The following ACER3 variants were observed in gnomAD, a reference collection of about 807,000 sequenced individuals.
ACER3 encodes the protein alkCDase 3.
ACER3 carries 16 observed loss-of-function variants against 48.9 expected under a neutral mutation model. That is an observed-to-expected ratio of 0.33 (90% CI 0.22 to 0.50). The LOEUF (loss-of-function observed/expected upper bound fraction) is 0.50. ACER3 is among the 20% of genes least tolerant of loss of function. ACER3 has a pLI of 0.98. For synonymous variants in ACER3, 109 were observed against 107.8 expected (o/e 1.01, Z -0.07); for missense variants, 227 against 326.0 (o/e 0.70, Z 2.34).
intron 1 of ACER3, among the ~76,000 whole-genome samples, chr11:76,915,193 A>C (rs200200667): frequency 7.0e-6 from 1 of 142,468 alleles, no homozygotes; most frequent in Non-Finnish European, 1.6e-5. Flanking sequence ...ATAATTTAAA[A>C]AAAGGAAAAA....
At chr11:76,948,211 C>CTATGTGTGTGTG (rs1947526350) in intron 2 of ACER3, among the ~76,000 whole-genome samples, 1 of 135,664 alleles carries the variant, frequency 7.4e-6, no homozygotes, top group African/African-American at 2.7e-5. Context: ...CTGGCTCACT[C>CTATGTGTGTGTG]TGTGTGTGTG....
In ACER3 at chr11:76,994,505, A is replaced by C. The variant is rs186686339; in HGVS notation, c.438+3931A>C. Among the ~76,000 whole-genome samples, 216 of 152,356 alleles carry C rather than the reference A, an allele frequency of 1.4e-3. 2 individuals are homozygous for C. The highest frequency in any genetic ancestry group is 4.9e-3 in the African/African-American group (205 of 41,594). On this transcript the variant is annotated intron_variant, in intron 6 of 10. Transcript: ENST00000532485. ...GGTCTCAAACTTCTGACCTCAAGTG[A>C]TCCGCCTGCCTTGGCATCCCAAAGT...
At chr11:77,016,932 G>A (rs1039842199) in intron 9 of ACER3, among the ~76,000 whole-genome samples, 153 bp downstream of exon 9, 3 of 151,788 alleles carry the variant, frequency 2.0e-5, no homozygotes, top group Non-Finnish European at 4.4e-5. Context: ...CTGGGTCAAA[G>A]AAGAAGTCAA....
At chr11:76,996,980 G>A (rs1318630305) in intron 6 of ACER3, among the ~76,000 whole-genome samples, 1 of 147,730 alleles carries the variant, frequency 6.8e-6, no homozygotes, top group African/African-American at 2.5e-5. Context: ...CCTGCCTTGG[G>A]CTCCCAAAGT....
Position 76,929,318 on chromosome 11 carries a change from TG to T in ACER3, c.214+2652del, listed in dbSNP as rs1946927428. On this transcript the variant is annotated intron_variant, in intron 2 of 10. Coordinates refer to ENST00000532485, the MANE Select transcript of ACER3 (RefSeq NM_018367.7). ...ATTTTTGCACATTGATTTTGTATCC[TG>T]AGACTTTGCTGAAGTTGCTTATCAG... 2.0e-5 allele frequency among the ~76,000 whole-genome samples: 3 copies of T among 152,236 alleles called. No individual in the cohort carries two copies. The South Asian group carries it at 6.2e-4, about 32-fold the overall frequency.
chr11:76,983,440 C>T (rs970079353), intron 4 of ACER3, among the ~76,000 whole-genome samples: 3 of 152,042 alleles, frequency 2.0e-5, no homozygotes, highest in African/African-American at 4.8e-5. Flanking sequence ...CTTAGCCTCT[C>T]AAGTAGCTGC....
Position 76,950,411 on chromosome 11 carries a change from A to ATATAT in ACER3, c.215-8568_215-8567insTATAT, listed in dbSNP as rs1277575730. 3.5e-3 allele frequency among the ~76,000 whole-genome samples: 80 copies of ATATAT among 22,812 alleles called. 28 individuals are homozygous for ATATAT. Among genetic ancestry groups the ATATAT allele is most frequent in the Non-Finnish European group, 9.9e-3 (66 of 6,670 alleles). The allele number at this position is 22,812 out of a possible 152,430, so 15.0% of individuals were successfully genotyped here. On this transcript the variant is annotated intron_variant, in intron 2 of 10. Coordinates refer to ENST00000532485, the MANE Select transcript of ACER3 (RefSeq NM_018367.7). Reference sequence around the variant, plus strand: ...TATATATATATATATATATATATATAATTTACACATGTAAGTGTGTGTATG... The same window carrying ATATAT: ...TATATATATATATATATATATATATATATATATTTACACATGTAAGTGTGTGTATG...
At chr11:76,863,729 G>A (rs760846943) in intron 1 of ACER3, among the ~76,000 whole-genome samples, 7 of 152,138 alleles carry the variant, frequency 4.6e-5, no homozygotes, top group Non-Finnish European at 8.8e-5. Context: ...ACTTTGCTAA[G>A]CACTTCATAT....
chr11:76,961,486 G>T (rs1947992502), intron 3 of ACER3, among the ~76,000 whole-genome samples: 1 of 151,300 alleles, frequency 6.6e-6, no homozygotes, highest in Non-Finnish European at 1.5e-5. Flanking sequence ...CTAGCATCCA[G>T]ATCTTGTTTT....
chr11:76,955,279 C>T (rs1947807727), intron 2 of ACER3: 1 of 152,108 alleles, frequency 6.6e-6, no homozygotes, highest in African/African-American at 2.4e-5. Flanking sequence ...AACATATGTC[C>T]ACATAAAAAC....
At chr11:77,018,144 TG>T (rs2135334385) in intron 9 of ACER3, among the ~76,000 whole-genome samples, 1 of 152,178 alleles carries the variant, frequency 6.6e-6, no homozygotes, top group East Asian at 1.9e-4. Context: ...TTCACCATGT[TG>T]GTCATACTGG....
rs954002693 is a variant in ACER3 at position 76,990,223 on chromosome 11, A to G, written c.403-316A>G. Among the ~76,000 whole-genome samples the G allele has an allele frequency of 2.0e-5, 3 of 152,200 alleles. No homozygotes were observed. In the South Asian group the frequency reaches 6.2e-4, roughly 32 times the overall value. ...AACAGATCTGCTTTGGGGATTGTCA[A>G]CATAACCTCTTCACTCCTCATGAGA... On this transcript the variant is annotated intron_variant, in intron 5 of 10. Coordinates refer to ENST00000532485, the MANE Select transcript of ACER3 (RefSeq NM_018367.7).
chr11:76,965,648 A>G (rs1271491456), intron 3 of ACER3, among the ~76,000 whole-genome samples: 2 of 151,320 alleles, frequency 1.3e-5, no homozygotes, highest in Non-Finnish European at 2.9e-5. Flanking sequence ...AGTGGGGGCC[A>G]ATATTCAACA....
At chr11:76,965,048 G>A (rs1235897042) in intron 3 of ACER3, among the ~76,000 whole-genome samples, 1 of 151,136 alleles carries the variant, frequency 6.6e-6, no homozygotes, top group African/African-American at 2.5e-5. Context: ...TGGCAAAGAA[G>A]TTAAAAACCT....
intron 1 of ACER3, among the ~76,000 whole-genome samples, chr11:76,874,176 G>C (rs953239028): frequency 6.6e-6 from 1 of 152,158 alleles, no homozygotes; most frequent in Non-Finnish European, 1.5e-5. Flanking sequence ...ATTGGACTTG[G>C]AATCAGAATC....
At chr11:76,908,815 C>A (rs932686049) in intron 1 of ACER3, among the ~76,000 whole-genome samples, 6 of 152,108 alleles carry the variant, frequency 3.9e-5, no homozygotes, top group Non-Finnish European at 1.5e-5. Context: ...ATAGCCAAGA[C>A]AATCCTAAGC....
chr11:77,013,121 T>C (rs1949301817), intron 7 of ACER3, among the ~76,000 whole-genome samples: 2 of 152,124 alleles, frequency 1.3e-5, no homozygotes, highest in Non-Finnish European at 1.5e-5. Flanking sequence ...TAGAAGTGAG[T>C]TCTATTTCCA....
rs1472433136 is a variant in ACER3 at position 76,993,261 on chromosome 11, G to A, written c.438+2687G>A. ...CATATACTAGTGAATAAAATAACAA[G>A]CCCTGCCCTCAAGGACCTTACACCC... On this transcript the variant is annotated intron_variant, in intron 6 of 10. Coordinates refer to ENST00000532485, the MANE Select transcript of ACER3 (RefSeq NM_018367.7). Among the ~76,000 whole-genome samples the A allele has an allele frequency of 2.0e-5, 3 of 152,186 alleles. No individual in the cohort carries two copies. In the East Asian group the frequency reaches 5.8e-4, roughly 29 times the overall value.
intron 8 of ACER3, 44 bp from the exon 9 acceptor site, chr11:77,016,631 A>T: frequency 9.2e-7 from 1 of 1,085,858 alleles, no homozygotes; most frequent in East Asian, 2.5e-5. Context: ...TAGTCGCTAA[A>T]TATTTTAAAA....
Sources: allele counts gnomAD v4.1 joint callset (sites outside exome capture counted in the v4.1 genomes callset), GRCh38; gene constraint gnomAD v4.1.1; transcripts MANE v1.5; gene names NCBI Gene and HGNC (gene_info 2026-07-23, HGNC 2026-07-21).